CFAP44: variants seen among roughly 807,000 people sequenced by gnomAD.
CFAP44 encodes the protein cilia and flagella associated protein 44.
Under a neutral mutation model 216.2 loss-of-function variants are expected in CFAP44, and 134 were observed. The observed-to-expected ratio is 0.62, with a 90% CI of 0.54 to 0.72. The LOEUF is 0.72. CFAP44 is among the 30% of genes least tolerant of loss of function. The pLI is 0.00. For missense variants in CFAP44, 2,035 were observed against 2,182.1 expected, an observed-to-expected ratio of 0.93 and a Z score of 1.34; for synonymous variants, 700 against 727.6, an observed-to-expected ratio of 0.96 and a Z score of 0.61.
chr3:113,432,856 T>C (rs985234033), intron 2 of CFAP44, among the ~76,000 whole-genome samples: 1 of 152,222 alleles, frequency 6.6e-6, no homozygotes, highest in Non-Finnish European at 1.5e-5. Context: ...CATCTTGTCA[T>C]AGTTCTATAA....
chr3:113,358,734 A>G lies in CFAP44; in HGVS notation c.3065+11T>C. The G allele has an allele frequency of 3.3e-6, 5 of 1,536,288 alleles. No individual in the cohort carries two copies. Among genetic ancestry groups the G allele is most frequent in the Non-Finnish European group, 4.4e-6 (5 of 1,146,218 alleles). The stretch of plus-strand genomic sequence containing the variant: ...TCAAACATCTTAGCTTGTAGAGAAT[A>G]TGGATCCTACCGATTCTTTAGCTTC... On this transcript the variant is annotated intron_variant, in intron 22 of 34. Coordinates refer to ENST00000393845, the MANE Select transcript of CFAP44 (RefSeq NM_001164496.2).
At chr3:113,320,466 C>CATATATATCATAT (rs760411103) in intron 28 of CFAP44, among the ~76,000 whole-genome samples, 1 of 93,944 alleles carries the variant, frequency 1.1e-5, no homozygotes, top group Non-Finnish European at 2.3e-5. Context: ...ATCTATATAT[C>CATATATATCATAT]ATATATGATA....
At chr3:113,314,956 C>T (rs1950073260) in intron 28 of CFAP44, among the ~76,000 whole-genome samples, 1 of 151,678 alleles carries the variant, frequency 6.6e-6, no homozygotes, top group African/African-American at 2.4e-5. Context: ...AAAAACACTA[C>T]AAAAAATTAA....
intron 8 of CFAP44, among the ~76,000 whole-genome samples, chr3:113,406,724 A>T (rs915911395): frequency 6.6e-6 from 1 of 152,178 alleles, no homozygotes; most frequent in African/African-American, 2.4e-5. Context: ...GAAAATAGAA[A>T]ATGGTAGGTA....
chr3:113,328,463 C>A (rs1012769928), intron 26 of CFAP44, among the ~76,000 whole-genome samples: 16 of 150,840 alleles, frequency 1.1e-4, no homozygotes, highest in African/African-American at 1.7e-4. Flanking sequence ...CTTTCCCCCC[C>A]AGTATCACAA....
At position 113,333,433 on chromosome 3, in the gene CFAP44, T is replaced by C. The variant is rs1423088015; in HGVS notation, c.3588A>G (p.Glu1196=). 7.8e-6 allele frequency: 12 copies of C among 1,537,044 alleles called. No individual in the cohort carries two copies. The highest frequency in any genetic ancestry group is 9.6e-6 in the Non-Finnish European group (11 of 1,146,788). ...AAGAATCTAGGTGTCCTAGTTCCTC[T>C]TCCTTCTTGGCAGCATTTATTCTCA... ...EHMRINAAKK[E]EELGHLDSLV... is the part of the protein sequence containing the mutation. Residue 1196 remains glutamate, a synonymous_variant, in exon 25 of 35, where the codon GAA becomes GAG. Transcript: ENST00000393845.
At chr3:113,376,977 G>A (rs1933364747) in intron 17 of CFAP44, among the ~76,000 whole-genome samples, 1 of 152,186 alleles carries the variant, frequency 6.6e-6, no homozygotes, top group Non-Finnish European at 1.5e-5. Context: ...AGTGTCCTTG[G>A]AGAGTTGCAG....
In CFAP44 at chr3:113,294,684, T is replaced by C. The variant is rs1280424115; in HGVS notation, c.5373+3A>G. ...AAAAAGGGTCTGAAGGTAAAGAACA[T>C]ACCTGCTGATTCTGTAGTGTATTCA... On this transcript the variant is annotated splice_donor_region_variant and intron_variant, in intron 34 of 34. Transcript: ENST00000393845. The C allele has an allele frequency of 2.6e-6, 4 of 1,524,736 alleles. No individual in the cohort carries two copies. The highest frequency in any genetic ancestry group is 1.4e-5 in the African/African-American group (1 of 72,214). 94.5% of individuals were successfully genotyped at this position (1,524,736 alleles called of 1,614,324 possible).
At chr3:113,353,395 A>G (rs1950463179) in intron 22 of CFAP44, among the ~76,000 whole-genome samples, 1 of 151,982 alleles carries the variant, frequency 6.6e-6, no homozygotes, top group East Asian at 1.9e-4. Context: ...TAAAATAAAG[A>G]ACAGCCATGT....
chr3:113,316,870 A>G (rs563245738), intron 28 of CFAP44, among the ~76,000 whole-genome samples: 823 of 74,248 alleles, frequency 0.011, 3 homozygotes, highest in African/African-American at 0.042. Flanking sequence ...CTCCATCTCA[A>G]AAAAAAAAAA....
chr3:113,319,606 C>T (rs1041192468), intron 28 of CFAP44, among the ~76,000 whole-genome samples: 3 of 152,200 alleles, frequency 2.0e-5, no homozygotes, highest in Admixed American at 6.5e-5. Context: ...ATCTACAGAA[C>T]ACTCAATCCA....
intron 22 of CFAP44, among the ~76,000 whole-genome samples, chr3:113,347,138 TA>T (rs1227393270): frequency 1.3e-5 from 2 of 152,206 alleles, no homozygotes; most frequent in African/African-American, 2.4e-5. Flanking sequence ...GTCAGCCAGT[TA>T]AAAGTGACTA....
Position 113,401,724 on chromosome 3 carries a change from T to C in CFAP44, c.1186A>G (p.Thr396Ala). 1.9e-6 allele frequency: 3 copies of C among 1,607,580 alleles called. No individual in the cohort carries two copies. Among genetic ancestry groups the C allele is most frequent in the Non-Finnish European group, 2.5e-6 (3 of 1,177,414 alleles). ...DGYVRIWDFE[T>A]IDTADVIDET... ...TCTATTACATCAGCAGTGTCTATTG[T>C]CTCAAAATCCCATATCTTGTAAAAT... The change falls in exon 10 of 35, where the codon ACA (threonine) becomes GCA (alanine). Residue 396 changes from threonine to alanine, a missense_variant. Physicochemically the swap from Thr to Ala is moderately conservative, Grantham distance 58. Around this residue, in one of 3 missense-constraint regions of CFAP44, gnomAD observed 1,883 missense variants for 2,023.7 expected, o/e 0.93. Coordinates refer to ENST00000393845, the MANE Select transcript of CFAP44 (RefSeq NM_001164496.2).
chr3:113,299,058 T>C (rs895001575), intron 32 of CFAP44, among the ~76,000 whole-genome samples: 11 of 152,088 alleles, frequency 7.2e-5, no homozygotes, highest in Admixed American at 4.6e-4. Context: ...AAAAGATTAA[T>C]AAATTAAAAT....
chr3:113,436,247 T>A (rs572119283), intron 1 of CFAP44, among the ~76,000 whole-genome samples: 65 of 150,756 alleles, frequency 4.3e-4, no homozygotes, highest in Admixed American at 2.5e-3. Context: ...TTTTTTTTTT[T>A]AAATAAAGAA....
chr3:113,330,103 C>A, intron 26 of CFAP44, 65 bp downstream of exon 26: 1 of 1,439,258 alleles, frequency 6.9e-7, no homozygotes, highest in South Asian at 1.5e-5. Context: ...AACAAAAAAC[C>A]CGACCCAATT....
chr3:113,341,019 G>GC (rs943543756), intron 24 of CFAP44, among the ~76,000 whole-genome samples: 4 of 152,210 alleles, frequency 2.6e-5, no homozygotes, highest in African/African-American at 9.6e-5. Context: ...CGGCGTGCTG[G>GC]CATCTGTTGA....
chr3:113,308,961 T>C (rs1035979330), intron 28 of CFAP44, among the ~76,000 whole-genome samples: 1 of 152,212 alleles, frequency 6.6e-6, no homozygotes, highest in African/African-American at 2.4e-5. Context: ...CTAGTCTTTA[T>C]TTAACTTGGT....
At chr3:113,370,844 C>T (rs1249321710) in intron 18 of CFAP44, among the ~76,000 whole-genome samples, 1 of 151,950 alleles carries the variant, frequency 6.6e-6, no homozygotes, top group African/African-American at 2.4e-5. Flanking sequence ...CTGTCTCAGC[C>T]CCAAATCTCC....
Sources: gnomAD v4.1 joint callset for allele counts (sites outside exome capture counted in the v4.1 genomes callset) on GRCh38, gnomAD v4.1.1 for gene constraint, gnomAD v4.1.1 regional missense constraint, MANE v1.5 for transcripts, NCBI Gene and HGNC (gene_info 2026-07-23, HGNC 2026-07-21) for gene names.